PADI1: variants seen among roughly 807,000 people sequenced by gnomAD.
PADI1 encodes peptidyl arginine deiminase 1, also known as protein-arginine deiminase type-1.
PADI1 carries 65 observed loss-of-function variants against 74.8 expected under a neutral mutation model. That is an observed-to-expected ratio of 0.87 (90% confidence interval 0.71 to 1.07). The LOEUF (loss-of-function observed/expected upper bound fraction) is 1.07, where lower values mean the gene tolerates loss of function less well. Among genes scored for constraint, PADI1 ranks in the 50% least tolerant of loss-of-function variants. The probability of loss-of-function intolerance (pLI) is 0.00; values close to 1 mark genes in which losing one functional copy is unlikely to be tolerated. For synonymous variants in PADI1, 371 were observed against 336.2 expected, an observed-to-expected ratio of 1.10 and a Z score of -1.13; for missense variants, 943 against 854.0, an observed-to-expected ratio of 1.10 and a Z score of -1.30.
intron 1 of PADI1, among the ~76,000 whole-genome samples, chr1:17,216,054 G>A (rs2071969690): frequency 6.6e-6 from 1 of 151,978 alleles, no homozygotes; most frequent in Admixed American, 6.6e-5. Context: ...GCAGGGATTG[G>A]TGACAGGAAC....
intron 2 of PADI1, among the ~76,000 whole-genome samples, chr1:17,222,761 T>A (rs950083104): frequency 7.9e-5 from 12 of 152,160 alleles, no homozygotes; most frequent in African/African-American, 2.7e-4. Flanking sequence ...AATCCCTGTA[T>A]TCAGCCCACA....
intron 3 of PADI1, among the ~76,000 whole-genome samples, chr1:17,224,110 C>T (rs945668248): frequency 6.6e-6 from 1 of 152,192 alleles, no homozygotes; most frequent in Non-Finnish European, 1.5e-5. Flanking sequence ...TGATTTGGAA[C>T]CCCAAAGCCA....
At chr1:17,238,517 TCC>T in intron 12 of PADI1, 97 bp from the exon 13 acceptor site, 1 of 482,198 alleles carries the variant, frequency 2.1e-6, no homozygotes, top group Non-Finnish European at 3.5e-6. Flanking sequence ...GAGAGGGGAG[TCC>T]CAAGAACTGT....
chr1:17,207,398 G>T (rs535514360), intron 1 of PADI1, among the ~76,000 whole-genome samples: 1 of 152,184 alleles, frequency 6.6e-6, no homozygotes, highest in African/African-American at 2.4e-5. Flanking sequence ...CTGCACTTCC[G>T]AGCCTCAGTT....
At chr1:17,213,281 C>T (rs1234693847) in intron 1 of PADI1, among the ~76,000 whole-genome samples, 2 of 150,434 alleles carry the variant, frequency 1.3e-5, no homozygotes, top group Non-Finnish European at 3.0e-5. Flanking sequence ...ACGCATTGCC[C>T]TCCTATGCAA....
At position 17,240,654 on chromosome 1, in the gene PADI1, G is replaced by T. The variant is rs140750531; in HGVS notation, c.1652G>T (p.Arg551Leu). Residue 551 changes from arginine to leucine, a missense_variant, in exon 15 of 16, where the codon CGT becomes CTT. Coordinates refer to ENST00000375471, the MANE Select transcript of PADI1 (RefSeq NM_013358.3). ...CCCCAGAAATGCATTGACTGGAACC[G>T]TAATGTGCTGAAGCGGGAGCTGGGC... Reference protein sequence around the residue: ...LHAQKCIDWNRNVLKRELGLA... With the variant: ...LHAQKCIDWNLNVLKRELGLA... The T allele has an allele frequency of 6.2e-7, 1 of 1,614,018 alleles. No individual in the cohort carries two copies. The highest frequency in any genetic ancestry group is 1.1e-5 in the South Asian group (1 of 91,072).
intron 5 of PADI1, 37 bp downstream of exon 5, chr1:17,225,965 G>A (rs749232891): frequency 6.8e-6 from 11 of 1,611,924 alleles, no homozygotes; most frequent in Non-Finnish European, 9.3e-6. Flanking sequence ...GAGTGGGGAA[G>A]GGGGATGGAA....
intron 6 of PADI1, among the ~76,000 whole-genome samples, chr1:17,226,558 C>T (rs1159912251): frequency 6.6e-6 from 1 of 152,150 alleles, no homozygotes; most frequent in Non-Finnish European, 1.5e-5. Context: ...AGGCTGAGGC[C>T]CGGGCCCTGC....
chr1:17,244,285 A>C lies in PADI1; in HGVS notation c.*42A>C, dbSNP rs1463288454. 6.7e-7 allele frequency: 1 copy of C among 1,492,946 alleles called. No homozygotes were observed. Among genetic ancestry groups the C allele is most frequent in the Non-Finnish European group, 9.3e-7 (1 of 1,069,596 alleles). 92.5% of individuals were successfully genotyped at this position (1,492,946 alleles called of 1,614,324 possible). ...CATCCTCTCTGCCCTCTTGCTAGGG[A>C]ACCCTGCCAGGGTGAAGGCAAGGAA... On this transcript the variant is annotated 3_prime_UTR_variant, in exon 16 of 16. Coordinates refer to ENST00000375471, the MANE Select transcript of PADI1 (RefSeq NM_013358.3).
chr1:17,218,483 C>A (rs1203432755), intron 1 of PADI1, among the ~76,000 whole-genome samples: 1 of 152,084 alleles, frequency 6.6e-6, no homozygotes, highest in Non-Finnish European at 1.5e-5. Flanking sequence ...GCAAGCAGAG[C>A]CCGTGTCCCA....
intron 1 of PADI1, among the ~76,000 whole-genome samples, chr1:17,217,689 G>T (rs1374268696): frequency 6.6e-6 from 1 of 152,174 alleles, no homozygotes; most frequent in African/African-American, 2.4e-5. Context: ...ATGTCACGAG[G>T]TGCTATTATG....
intron 1 of PADI1, among the ~76,000 whole-genome samples, chr1:17,206,825 G>T (rs1344240239): frequency 6.6e-6 from 1 of 151,702 alleles, no homozygotes. Context: ...GGGATAACAG[G>T]AACCCACCAT....
chr1:17,210,628 C>T (rs2071810290), intron 1 of PADI1, among the ~76,000 whole-genome samples: 1 of 152,052 alleles, frequency 6.6e-6, no homozygotes, highest in Non-Finnish European at 1.5e-5. Flanking sequence ...AAGGCACCCA[C>T]TAGTGTGATT....
intron 1 of PADI1, among the ~76,000 whole-genome samples, chr1:17,211,257 T>G (rs2071827706): frequency 6.6e-6 from 1 of 152,094 alleles, no homozygotes; most frequent in Admixed American, 6.5e-5. Context: ...TCACCCAGGC[T>G]GGAGTGCAGT....
Position 17,225,853 on chromosome 1 carries a change from C to A in PADI1, c.451C>A (p.Leu151Met), listed in dbSNP as rs747989856. Residue 151 changes from leucine to methionine, a missense_variant, in exon 5 of 16, where the codon CTG becomes ATG. Physicochemically the swap from Leu to Met is conservative, Grantham distance 15 (BLOSUM62 2). Coordinates refer to ENST00000375471, the MANE Select transcript of PADI1 (RefSeq NM_013358.3). ...CCCTGAGGGCTATGGGGCTATCTTG[C>A]TGGTGAACTGTGACCGGGACAATCA... Reference protein sequence around the residue: ...WGPEGYGAILLVNCDRDNHRS... With the variant: ...WGPEGYGAILMVNCDRDNHRS... 1.5e-5 allele frequency: 25 copies of A among 1,614,066 alleles called. No homozygotes were observed. Among genetic ancestry groups the A allele is most frequent in the Non-Finnish European group, 1.7e-6 (2 of 1,180,036 alleles).
chr1:17,240,782 C>A, intron 15 of PADI1, 22 bp downstream of exon 15: 1 of 1,610,872 alleles, frequency 6.2e-7, no homozygotes, highest in South Asian at 1.1e-5. Context: ...TGTGCAGGGT[C>A]CTGCTGGGGG....
intron 1 of PADI1, among the ~76,000 whole-genome samples, chr1:17,219,586 C>T (rs112256490): frequency 1.3e-5 from 2 of 152,026 alleles, no homozygotes; most frequent in Non-Finnish European, 2.9e-5. Flanking sequence ...ATCTACATCG[C>T]CATTGAAGTA....
At position 17,226,876 on chromosome 1, in the gene PADI1, C is replaced by T. The variant is rs111593613; in HGVS notation, c.652+718C>T. On this transcript the variant is annotated intron_variant, in intron 6 of 15. Coordinates refer to ENST00000375471, the MANE Select transcript of PADI1 (RefSeq NM_013358.3). ...CATCCTGGCTAACATGGAGAAAACC[C>T]GTTTCCACTAAAAAATACAAAAAAA... is the stretch of plus-strand genomic sequence containing the variant. Among the ~76,000 whole-genome samples the T allele has an allele frequency of 1.9e-3, 294 of 152,116 alleles. 1 individual carries two copies. The highest frequency in any genetic ancestry group is 6.7e-3 in the African/African-American group (277 of 41,476).
rs2072176179 is a variant in PADI1, at chr1:17,222,273, T to C, written c.93-17T>C. 1 of 1,607,282 alleles carries C rather than the reference T, an allele frequency of 6.2e-7. No individual in the cohort carries two copies. Among genetic ancestry groups the C allele is most frequent in the Admixed American group, 1.7e-5 (1 of 59,964 alleles). On this transcript the variant is annotated splice_polypyrimidine_tract_variant and intron_variant, in intron 1 of 15. Coordinates refer to ENST00000375471, the MANE Select transcript of PADI1 (RefSeq NM_013358.3). ...GATGGGAAGACTGGTTCTCTTCCCA[T>C]CTCTCTTCTCTGCCAGTGATGTGCC... is the stretch of plus-strand genomic sequence containing the variant.
Sources: gnomAD v4.1 joint callset for allele counts (sites outside exome capture counted in the v4.1 genomes callset) on GRCh38, gnomAD v4.1.1 for gene constraint, MANE v1.5 for transcripts, NCBI Gene and HGNC (gene_info 2026-07-23, HGNC 2026-07-21) for gene names.